The following NOSTRIN variants were observed in gnomAD, a reference collection of about 807,000 sequenced individuals.
NOSTRIN encodes nitric oxide synthase trafficking.
Under a neutral mutation model 59.0 loss-of-function variants are expected in NOSTRIN, and 63 were observed. The observed-to-expected ratio is 1.07, with a 90% CI of 0.87 to 1.32. The LOEUF is 1.32. NOSTRIN is among the 40% of genes most tolerant of loss of function. The probability of loss-of-function intolerance (pLI) is 0.00; values close to 1 mark genes in which losing one functional copy is unlikely to be tolerated. For synonymous variants in NOSTRIN, 200 were observed against 165.4 expected (o/e 1.21, Z -1.61); for missense variants, 512 against 473.1 (o/e 1.08, Z -0.76).
At chr2:168,821,351 T>C (rs866039194) in intron 2 of NOSTRIN, among the ~76,000 whole-genome samples, 51 of 152,338 alleles carry the variant, frequency 3.3e-4, no homozygotes, top group African/African-American at 1.2e-3. Context: ...TTTACAGTTC[T>C]CAAAAGTGGT....
intron 3 of NOSTRIN, among the ~76,000 whole-genome samples, chr2:168,827,046 A>G (rs576950782): frequency 2.2e-4 from 34 of 152,308 alleles, no homozygotes; most frequent in African/African-American, 7.7e-4. Flanking sequence ...CTTTTGGTCT[A>G]GTTCTCTTAT....
chr2:168,788,035 T>TAGTGATAAGAAAGGTA (rs1201685080), exon 2 of NOSTRIN: 1 of 150,980 alleles, frequency 6.6e-6, no homozygotes, highest in Non-Finnish European at 1.5e-5. Context: ...GCAAAGAAAA[T>TAGTGATAAGAAAGGTA]AGTGATAAGA....
At chr2:168,812,573 C>A (rs1686198872) in intron 2 of NOSTRIN, among the ~76,000 whole-genome samples, 1 of 152,182 alleles carries the variant, frequency 6.6e-6, no homozygotes, top group African/African-American at 2.4e-5. Flanking sequence ...GTATTTCTCT[C>A]TCAAGGCAGT....
chr2:168,834,505 G>GCACACACACA lies in NOSTRIN; in HGVS notation c.504+181_504+182insACACACACAC, dbSNP rs1271378211. ...ATTACTGGCGTGCGCGCGCGCGCGC[G>GCACACACACA]CGCACACACACACACACACACACAC... On this transcript the variant is annotated intron_variant, in intron 7 of 15. Transcript: ENST00000317647. Among the ~76,000 whole-genome samples, 175 of 103,120 alleles carry GCACACACACA rather than the reference G, an allele frequency of 1.7e-3. 1 individual carries two copies. Among genetic ancestry groups the GCACACACACA allele is most frequent in the African/African-American group, 3.9e-3 (134 of 34,296 alleles). The allele number at this position is 103,120 out of a possible 152,430, so 67.7% of individuals were successfully genotyped here.
In NOSTRIN at chr2:168,865,150, A is replaced by C; in HGVS notation, c.*180A>C. Reference sequence around the variant, plus strand: ...CTTGAAACAGTCAGAAAAAAGATGGATGGGTGGAGACAGACAAGGAAGAGG... The same window carrying C: ...CTTGAAACAGTCAGAAAAAAGATGGCTGGGTGGAGACAGACAAGGAAGAGG... On this transcript the variant is annotated 3_prime_UTR_variant, in exon 16 of 16. Coordinates refer to ENST00000317647, the MANE Select transcript of NOSTRIN (RefSeq NM_001039724.4). 1 of 670,140 alleles carries C rather than the reference A, an allele frequency of 1.5e-6. No individual in the cohort carries two copies. The allele number at this position is 670,140 out of a possible 1,614,324, so 41.5% of individuals were successfully genotyped here. A position where few individuals can be genotyped will look rare whatever the true frequency, so the allele number is the denominator to read the frequency against.
At position 168,834,773 on chromosome 2, in the gene NOSTRIN, A is replaced by C. The variant is rs144909214; in HGVS notation, c.504+448A>C. 5.5e-3 allele frequency among the ~76,000 whole-genome samples: 838 copies of C among 152,180 alleles called. 7 individuals are homozygous for C. The highest frequency in any genetic ancestry group is 0.019 in the African/African-American group (798 of 41,542). ...CCCACATTTTTTTAAAGGAAACTCT[A>C]TTAATATCTTAAAAAAACCTCTCAG... On this transcript the variant is annotated intron_variant, in intron 7 of 15. Coordinates refer to ENST00000317647, the MANE Select transcript of NOSTRIN (RefSeq NM_001039724.4).
chr2:168,833,509 T>C (rs1233176706), intron 6 of NOSTRIN, among the ~76,000 whole-genome samples: 1 of 152,212 alleles, frequency 6.6e-6, no homozygotes, highest in African/African-American at 2.4e-5. Context: ...CTGAACAGGC[T>C]AAATCCAACT....
Position 168,864,865 on chromosome 2 carries a change from A to G in NOSTRIN, c.1416A>G (p.Glu472=), listed in dbSNP as rs764115930. 1.2e-6 allele frequency: 2 copies of G among 1,613,912 alleles called. No homozygotes were observed. Among genetic ancestry groups the G allele is most frequent in the Admixed American group, 3.3e-5 (2 of 59,996 alleles). ...TTGTGATTATACACGAGAAAAAAGAAGGAGGATGGTGGTTTGGATCTTTGA... is the reference window on the plus strand; with the variant it reads ...TTGTGATTATACACGAGAAAAAAGAGGGAGGATGGTGGTTTGGATCTTTGA... The part of the protein sequence containing the change: ...GDIVIIHEKK[E]GGWWFGSLNG... The change falls in exon 16 of 16, where the codon GAA becomes GAG. Residue 472 remains glutamate (E), a synonymous_variant. Transcript: ENST00000317647.
intron 8 of NOSTRIN, among the ~76,000 whole-genome samples, chr2:168,847,962 G>T (rs938110490): frequency 6.6e-6 from 1 of 152,164 alleles, no homozygotes; most frequent in East Asian, 1.9e-4. Flanking sequence ...TCTAGTCTCA[G>T]ATTGATGCTA....
intron 12 of NOSTRIN, among the ~76,000 whole-genome samples, chr2:168,858,937 CAGAGACT>C (rs1433724205): frequency 6.6e-6 from 1 of 152,210 alleles, no homozygotes; most frequent in Non-Finnish European, 1.5e-5. Flanking sequence ...CAAGAACAGA[CAGAGACT>C]AGGAGTGTAT....
intron 8 of NOSTRIN, among the ~76,000 whole-genome samples, chr2:168,849,985 G>A (rs570828330): frequency 6.7e-6 from 1 of 148,250 alleles, no homozygotes; most frequent in Non-Finnish European, 1.5e-5. Context: ...GCATGATCTC[G>A]GCTCACTGCA....
At chr2:168,812,514 T>G (rs1030928513) in intron 2 of NOSTRIN, among the ~76,000 whole-genome samples, 1 of 152,158 alleles carries the variant, frequency 6.6e-6, no homozygotes. Context: ...AAGCAGAAAC[T>G]TATTAATACA....
intron 12 of NOSTRIN, 120 bp from the exon 13 acceptor site, chr2:168,859,392 G>A (rs965938343): frequency 1.1e-5 from 15 of 1,413,220 alleles, no homozygotes; most frequent in Middle Eastern, 1.9e-4. Context: ...GTGAATATCT[G>A]TATGAGTTAA....
intron 7 of NOSTRIN, among the ~76,000 whole-genome samples, chr2:168,841,283 G>T (rs1688092090): frequency 1.1e-5 from 1 of 95,150 alleles, no homozygotes. Context: ...GAAAGATATT[G>T]AATGCTTTAA....
chr2:168,789,945 C>T (rs1194302439), intron 2 of NOSTRIN, among the ~76,000 whole-genome samples: 2 of 152,162 alleles, frequency 1.3e-5, no homozygotes, highest in Non-Finnish European at 2.9e-5. Context: ...CACCCACAGG[C>T]CGTGGGAAAT....
At chr2:168,816,747 C>T (rs1298910807) in intron 2 of NOSTRIN, among the ~76,000 whole-genome samples, 1 of 152,162 alleles carries the variant, frequency 6.6e-6, no homozygotes, top group Non-Finnish European at 1.5e-5. Context: ...GTTCACTTGC[C>T]TGTCTCTTTC....
chr2:168,804,393 G>T (rs1685741252), intron 1 of NOSTRIN, among the ~76,000 whole-genome samples: 1 of 152,058 alleles, frequency 6.6e-6, no homozygotes, highest in South Asian at 2.1e-4. Flanking sequence ...CTTCAGCCTG[G>T]GTTTCCAAAC....
intron 1 of NOSTRIN, among the ~76,000 whole-genome samples, chr2:168,806,269 C>T (rs1016773017): frequency 2.0e-5 from 3 of 151,538 alleles, no homozygotes; most frequent in African/African-American, 7.3e-5. Flanking sequence ...CATCACTAAT[C>T]AAAAAAAATC....
Position 168,861,973 on chromosome 2 carries a change from C to A in NOSTRIN, c.1308C>A (p.Ala436=). ...PGSSTPAPGA[A]QLSSRLCKAL... ...TATCTATTTCAGCCCCTGGTGCAGCCCAGCTCAGCAGCAGACTTTGCAAGG... is the reference window on the plus strand; with the variant it reads ...TATCTATTTCAGCCCCTGGTGCAGCACAGCTCAGCAGCAGACTTTGCAAGG... The change falls in exon 15 of 16, where the codon GCC becomes GCA. Residue 436 remains alanine, a synonymous_variant. Coordinates refer to ENST00000317647, the MANE Select transcript of NOSTRIN (RefSeq NM_001039724.4). 2 of 1,614,118 alleles carry A rather than the reference C, an allele frequency of 1.2e-6. No individual in the cohort carries two copies. Among genetic ancestry groups the A allele is most frequent in the African/African-American group, 1.3e-5 (1 of 75,042 alleles).
Sources: gnomAD v4.1 joint callset for allele counts (sites outside exome capture counted in the v4.1 genomes callset) on GRCh38, gnomAD v4.1.1 for gene constraint, MANE v1.5 for transcripts, NCBI Gene and HGNC (gene_info 2026-07-23, HGNC 2026-07-21) for gene names.